Variants in ARID1B observed in about 807,000 individuals in gnomAD.
The protein encoded by ARID1B is AT-rich interactive domain-containing protein 1B.
A neutral mutation model predicts 212.3 loss-of-function variants in ARID1B; 30 were observed. The observed-to-expected ratio is 0.14, with a 90% CI of 0.11 to 0.19. The LOEUF is 0.19. Ranked by LOEUF, ARID1B falls within the 10% of genes least tolerant of loss-of-function variation. The pLI, the probability that ARID1B is intolerant of heterozygous loss-of-function variation, is 1.00. For synonymous variants in ARID1B, 1,402 were observed against 1,301.7 expected, an observed-to-expected ratio of 1.08 and a Z score of -1.66; for missense variants, 2,891 against 3,204.0, an observed-to-expected ratio of 0.90 and a Z score of 2.36.
intron 4 of ARID1B, chr6:156,943,786 A>G (rs1276494014): frequency 6.6e-6 from 1 of 152,240 alleles, no homozygotes; most frequent in Non-Finnish European, 1.5e-5. Flanking sequence ...TGAAATAAAT[A>G]TTTAACTACA....
chr6:157,090,839 C>T (rs145413748), intron 5 of ARID1B, among the ~76,000 whole-genome samples: 79 of 152,240 alleles, frequency 5.2e-4, no homozygotes, highest in Non-Finnish European at 9.1e-4. Flanking sequence ...CAGGAGCCAC[C>T]TTCACTGCTC....
At chr6:157,049,906 T>G (rs181197630) in intron 4 of ARID1B, among the ~76,000 whole-genome samples, 30 of 152,346 alleles carry the variant, frequency 2.0e-4, no homozygotes, top group African/African-American at 7.0e-4. Context: ...TAAGTGTCTT[T>G]TCTTCAGTCA....
chr6:156,924,590 T>A (rs1300718571), intron 3 of ARID1B, among the ~76,000 whole-genome samples: 1 of 152,168 alleles, frequency 6.6e-6, no homozygotes, highest in Non-Finnish European at 1.5e-5. Context: ...AATTTAAAAT[T>A]GTGAATTGTT....
At chr6:157,105,337 T>A (rs61261077) in intron 5 of ARID1B, among the ~76,000 whole-genome samples, 12,836 of 152,052 alleles carry the variant, frequency 0.084, 757 homozygotes, top group East Asian at 0.21. Context: ...TTAAAAAAAA[T>A]TTCCGCTACA....
intron 4 of ARID1B, among the ~76,000 whole-genome samples, chr6:156,967,095 C>T (rs1025841352): frequency 6.6e-6 from 1 of 152,110 alleles, no homozygotes; most frequent in South Asian, 2.1e-4. Flanking sequence ...ATGTTGATAA[C>T]GCTGTCTTAC....
At chr6:156,920,931 C>T (rs1193430198) in intron 3 of ARID1B, among the ~76,000 whole-genome samples, 5 of 151,770 alleles carry the variant, frequency 3.3e-5, no homozygotes, top group Non-Finnish European at 7.4e-5. Context: ...CTCAGCTCAC[C>T]ACAACCTCCG....
intron 4 of ARID1B, among the ~76,000 whole-genome samples, chr6:157,018,181 A>G (rs991868299): frequency 8.1e-5 from 12 of 147,698 alleles, no homozygotes; most frequent in Non-Finnish European, 1.5e-4. Context: ...TGTTTTTAGT[A>G]GGAAAGAATG....
intron 2 of ARID1B, among the ~76,000 whole-genome samples, chr6:156,837,768 A>G (rs1783613838): frequency 6.6e-6 from 1 of 152,236 alleles, no homozygotes; most frequent in Admixed American, 6.5e-5. Flanking sequence ...GTAGGGGATT[A>G]TAAAGAAGCA....
intron 4 of ARID1B, among the ~76,000 whole-genome samples, chr6:157,006,472 A>T (rs552833686): frequency 1.3e-5 from 2 of 152,376 alleles, no homozygotes; most frequent in African/African-American, 4.8e-5. Flanking sequence ...TAGAGATGTC[A>T]TTAGAGAGCA....
At chr6:156,882,717 G>A (rs1388995468) in intron 2 of ARID1B, among the ~76,000 whole-genome samples, 4 of 152,148 alleles carry the variant, frequency 2.6e-5, no homozygotes, top group Admixed American at 2.0e-4. Flanking sequence ...AAATGAGATC[G>A]TCTGTGTGAA....
rs555328740 is a variant in ARID1B at position 157,021,654 on chromosome 6, C to T, written c.2248-63008C>T. ...ACAGATGAGCCTTTGTGGGACCCCGCGGAAGGAGGCGCCGGCCGCAGCCAC... is the reference window on the plus strand; with the variant it reads ...ACAGATGAGCCTTTGTGGGACCCCGTGGAAGGAGGCGCCGGCCGCAGCCAC... On this transcript the variant is annotated intron_variant, in intron 4 of 19. Coordinates refer to ENST00000636930, the MANE Select transcript of ARID1B (RefSeq NM_001374828.1). Among the ~76,000 whole-genome samples, 7 of 152,260 alleles carry T rather than the reference C, an allele frequency of 4.6e-5. No individual in the cohort carries two copies. The South Asian group carries it at 1.5e-3, about 32-fold the overall frequency.
chr6:157,010,621 G>GT (rs534997809), intron 4 of ARID1B, among the ~76,000 whole-genome samples: 2,760 of 135,802 alleles, frequency 0.02, 64 homozygotes, highest in African/African-American at 0.059. Context: ...TGCCCGGCCT[G>GT]TTTTTTTTTT....
intron 6 of ARID1B, among the ~76,000 whole-genome samples, chr6:157,125,650 C>T (rs1285269652): frequency 2.0e-5 from 3 of 152,190 alleles, no homozygotes; most frequent in African/African-American, 7.2e-5. Flanking sequence ...ATTGGGTCTT[C>T]CCCTGATACT....
intron 18 of ARID1B, among the ~76,000 whole-genome samples, chr6:157,202,900 A>G (rs922469731): frequency 6.6e-6 from 1 of 152,122 alleles, no homozygotes. Context: ...TTATGTGTGT[A>G]TATGTATGTT....
At chr6:156,892,833 G>A (rs1453360016) in intron 2 of ARID1B, among the ~76,000 whole-genome samples, 1 of 152,112 alleles carries the variant, frequency 6.6e-6, no homozygotes, top group African/African-American at 2.4e-5. Flanking sequence ...GTTCTTGATG[G>A]ATGTGTAAAT....
intron 4 of ARID1B, among the ~76,000 whole-genome samples, chr6:157,056,082 C>G (rs542014252): frequency 3.3e-5 from 5 of 152,284 alleles, no homozygotes; most frequent in South Asian, 4.1e-4. Context: ...TCTGCAAAAT[C>G]CCTTCTACCC....
In ARID1B at chr6:157,201,298, T is replaced by G; in HGVS notation, c.5073T>G (p.Ser1691=). The stretch of plus-strand genomic sequence containing the variant: ...AGCGCTCCCTGGAGAACCGCATGTC[T>G]CCAAGCAAGTCTCCTTTTCTGCCGT... The part of the protein sequence containing the change: ...SFQRSLENRM[S]PSKSPFLPSM... Residue 1691 remains serine, a synonymous_variant, in exon 18 of 20, where the codon TCT becomes TCG. Transcript: ENST00000636930. The surrounding 1 kb of genome is among the most constrained non-coding windows in gnomAD (Gnocchi z 5.2). 6.2e-7 allele frequency: 1 copy of G among 1,614,044 alleles called. No homozygotes were observed. The highest frequency in any genetic ancestry group is 2.2e-5 in the East Asian group (1 of 44,870).
intron 2 of ARID1B, among the ~76,000 whole-genome samples, chr6:156,894,737 T>G (rs540001006): frequency 1.3e-5 from 2 of 152,230 alleles, no homozygotes; most frequent in Non-Finnish European, 2.9e-5. Context: ...TGATAGAAAC[T>G]GGGGCGTGTT....
At chr6:156,961,741 A>G (rs1794392020) in intron 4 of ARID1B, among the ~76,000 whole-genome samples, 1 of 152,172 alleles carries the variant, frequency 6.6e-6, no homozygotes, top group African/African-American at 2.4e-5. Flanking sequence ...AAGTACAAAT[A>G]AATGGGCACA....
Sources: allele counts gnomAD v4.1 joint callset (sites outside exome capture counted in the v4.1 genomes callset), GRCh38; gene constraint gnomAD v4.1.1; non-coding constraint Gnocchi (gnomAD v3.1); transcripts MANE v1.5; gene names NCBI Gene and HGNC (gene_info 2026-07-23, HGNC 2026-07-21).